Variants in ADGRV1 observed in about 807,000 individuals in gnomAD.
ADGRV1 encodes the protein adhesion G protein-coupled receptor V1, also known as G-protein coupled receptor 98.
In ADGRV1, 359 loss-of-function variants were observed where a neutral mutation model predicts 596.2. The observed-to-expected ratio is 0.60, with a 90% CI of 0.55 to 0.66. The LOEUF is 0.66. ADGRV1 is among the 30% of genes least tolerant of loss of function. ADGRV1 has a pLI of 0.00. For synonymous variants in ADGRV1, 2,681 were observed against 2,679.2 expected, an observed-to-expected ratio of 1.00 and a Z score of -0.02; for missense variants, 7,274 against 7,575.6, an observed-to-expected ratio of 0.96 and a Z score of 1.48.
At chr5:90,686,092 G>A (rs1036405552) in intron 29 of ADGRV1, 97 bp downstream of exon 29, 4 of 630,418 alleles carry the variant, frequency 6.3e-6, no homozygotes, top group Non-Finnish European at 9.1e-6. Flanking sequence ...GTTGCAATTA[G>A]GATAATCAAC....
At chr5:91,135,407 C>T (rs1178929378) in intron 87 of ADGRV1, among the ~76,000 whole-genome samples, 2 of 152,076 alleles carry the variant, frequency 1.3e-5, no homozygotes, top group East Asian at 1.9e-4. Context: ...GTTTTTAGGC[C>T]CAGCCTATAA....
chr5:90,725,897 G>A (rs1751711374), intron 48 of ADGRV1, among the ~76,000 whole-genome samples: 1 of 152,120 alleles, frequency 6.6e-6, no homozygotes, highest in African/African-American at 2.4e-5. Context: ...CATTTAATTA[G>A]AATTTAACTG....
chr5:90,657,989 G>T lies in ADGRV1; in HGVS notation c.4463G>T (p.Arg1488Leu). 6.2e-7 allele frequency: 1 copy of T among 1,613,908 alleles called. No individual in the cohort carries two copies. Among genetic ancestry groups the T allele is most frequent in the Non-Finnish European group, 8.5e-7 (1 of 1,179,858 alleles). ...GLMQDVRSYE[R>L]KLTLEEIYEL... The stretch of plus-strand genomic sequence containing the variant: ...ATGCAGGATGTGAGGTCCTATGAGC[G>T]GAAACTGACGCTTGAAGAAATTTAT... Residue 1488 changes from arginine (R) to leucine (L), a missense_variant, in exon 21 of 90, where the codon CGG becomes CTG. Arg to Leu is a moderately radical substitution (Grantham distance 102). Coordinates refer to ENST00000405460, the MANE Select transcript of ADGRV1 (RefSeq NM_032119.4).
intron 85 of ADGRV1, among the ~76,000 whole-genome samples, chr5:90,994,359 G>A (rs779398440): frequency 1.1e-4 from 16 of 151,952 alleles, no homozygotes; most frequent in African/African-American, 2.9e-4. Context: ...TGCCATGCCC[G>A]GCCTAGTTAT....
At chr5:91,035,342 C>T (rs1318369564) in intron 85 of ADGRV1, among the ~76,000 whole-genome samples, 1 of 152,152 alleles carries the variant, frequency 6.6e-6, no homozygotes, top group African/African-American at 2.4e-5. Context: ...TCCCAATGGA[C>T]TATTAAGGAG....
rs1220919365 is a variant in ADGRV1 at position 90,810,641 on chromosome 5, T to C, written c.15381T>C (p.Asn5127=). 6.2e-7 allele frequency: 1 copy of C among 1,613,984 alleles called. No individual in the cohort carries two copies. Among genetic ancestry groups the C allele is most frequent in the East Asian group, 2.2e-5 (1 of 44,886 alleles). Residue 5127 remains asparagine, a synonymous_variant, in exon 74 of 90, where the codon AAT becomes AAC. Transcript: ENST00000405460. ...FSVAVITILD[N]DDLAGMDISF... ...TTGCAGTGATTACAATATTGGATAA[T>C]GATGACCTGGCAGGAATGGATATTT...
intron 86 of ADGRV1, among the ~76,000 whole-genome samples, chr5:91,075,836 A>G (rs778928007): frequency 6.6e-5 from 10 of 152,280 alleles, no homozygotes; most frequent in South Asian, 4.1e-4. Flanking sequence ...TTAGCTTACA[A>G]GAGTTTCCAC....
intron 77 of ADGRV1, among the ~76,000 whole-genome samples, chr5:90,832,193 G>A (rs1024709507): frequency 6.6e-6 from 1 of 151,996 alleles, no homozygotes; most frequent in Non-Finnish European, 1.5e-5. Flanking sequence ...TCTCCATAGT[G>A]GTTGTACTAA....
At position 90,627,363 on chromosome 5, in the gene ADGRV1, A is replaced by G. The variant is rs531607001; in HGVS notation, c.825A>G (p.Glu275=). The G allele has an allele frequency of 1.2e-6, 2 of 1,613,940 alleles. No individual in the cohort carries two copies. Among genetic ancestry groups the G allele is most frequent in the South Asian group, 1.1e-5 (1 of 91,078 alleles). ...FLQSIYLVPE[E]DHILIIPVVR... is the part of the protein sequence containing the mutation. ...AGAGTATTTATTTGGTTCCTGAGGA[A>G]GACCACATACTCATAATTCCAGTAG... Residue 275 remains glutamate (E), a synonymous_variant, in exon 7 of 90, where the codon GAA becomes GAG. Transcript: ENST00000405460.
In ADGRV1 at chr5:90,643,785, T is replaced by C; in HGVS notation, c.2554-18T>C. The C allele has an allele frequency of 6.4e-7, 1 of 1,558,850 alleles. No individual in the cohort carries two copies. The highest frequency in any genetic ancestry group is 8.7e-7 in the Non-Finnish European group (1 of 1,150,794). ...AAGTCAACTTTATAATTTCCATACTTTGACACATTCACTTTAGTTGGATGA... is the reference window on the plus strand; with the variant it reads ...AAGTCAACTTTATAATTTCCATACTCTGACACATTCACTTTAGTTGGATGA... On this transcript the variant is annotated intron_variant, in intron 13 of 89. Transcript: ENST00000405460.
At chr5:90,879,255 G>A (rs1210545719) in intron 83 of ADGRV1, among the ~76,000 whole-genome samples, 2 of 152,104 alleles carry the variant, frequency 1.3e-5, no homozygotes, top group East Asian at 3.8e-4. Flanking sequence ...AGGAGAGAAA[G>A]GCCCTTATAT....
intron 45 of ADGRV1, among the ~76,000 whole-genome samples, chr5:90,722,056 A>G (rs186406072): frequency 6.6e-6 from 1 of 152,318 alleles, no homozygotes; most frequent in Non-Finnish European, 1.5e-5. Context: ...GTGGTTTAGG[A>G]ATGGAGGAGA....
chr5:91,082,208 C>G (rs550611734), intron 86 of ADGRV1, among the ~76,000 whole-genome samples: 5 of 152,284 alleles, frequency 3.3e-5, no homozygotes, highest in Admixed American at 2.0e-4. Context: ...CATGTTTGAC[C>G]CAGAGAATTA....
intron 83 of ADGRV1, among the ~76,000 whole-genome samples, chr5:90,925,464 T>G (rs1774335790): frequency 6.6e-6 from 1 of 152,338 alleles, no homozygotes; most frequent in South Asian, 2.1e-4. Flanking sequence ...GTGCTTGTGA[T>G]TTTTGTACAT....
intron 89 of ADGRV1, among the ~76,000 whole-genome samples, chr5:91,158,126 C>G (rs1474929786): frequency 1.3e-5 from 2 of 152,154 alleles, no homozygotes; most frequent in African/African-American, 4.8e-5. Flanking sequence ...CAGTTTCTAC[C>G]ATGTATCTGA....
chr5:90,963,231 T>A (rs1000187921), intron 83 of ADGRV1, among the ~76,000 whole-genome samples: 7 of 152,182 alleles, frequency 4.6e-5, no homozygotes, highest in African/African-American at 1.4e-4. Flanking sequence ...ATGATTGCTT[T>A]TTTATCCTTT....
chr5:91,054,203 G>A lies in ADGRV1; in HGVS notation c.18153-18244G>A, dbSNP rs1477433959. On this transcript the variant is annotated intron_variant, in intron 85 of 89. Transcript: ENST00000405460. ...ATGTATAACCTATTATTAGCAGATAGCATTTTGATACCCCACTCCTAGTTC... is the reference window on the plus strand; with the variant it reads ...ATGTATAACCTATTATTAGCAGATAACATTTTGATACCCCACTCCTAGTTC... Among the ~76,000 whole-genome samples the A allele has an allele frequency of 4.6e-5, 7 of 151,536 alleles. No individual in the cohort carries two copies. The South Asian group carries it at 8.4e-4, about 18-fold the overall frequency.
At chr5:91,022,170 A>G (rs1329473291) in intron 85 of ADGRV1, among the ~76,000 whole-genome samples, 4 of 152,128 alleles carry the variant, frequency 2.6e-5, no homozygotes, top group African/African-American at 7.2e-5. Flanking sequence ...TTAAAATAGC[A>G]TAATCATTAT....
At chr5:90,732,502 G>A (rs1474710144) in intron 50 of ADGRV1, among the ~76,000 whole-genome samples, 1 of 152,048 alleles carries the variant, frequency 6.6e-6, no homozygotes, top group African/African-American at 2.4e-5. Flanking sequence ...GCAATTTCAA[G>A]TATACAGTAC....
Sources: allele counts gnomAD v4.1 joint callset (sites outside exome capture counted in the v4.1 genomes callset), GRCh38; gene constraint gnomAD v4.1.1; transcripts MANE v1.5; gene names NCBI Gene and HGNC (gene_info 2026-07-23, HGNC 2026-07-21).